FUT9: variants seen among roughly 807,000 people sequenced by gnomAD.
FUT9 encodes the protein fucosyltransferase 9, also known as 4-galactosyl-N-acetylglucosaminide 3-alpha-L-fucosyltransferase 9.
A neutral mutation model predicts 29.7 loss-of-function variants in FUT9; 15 were observed. The observed-to-expected ratio is 0.51, with a 90% CI of 0.34 to 0.78. FUT9 has a LOEUF of 0.78. Among genes scored for constraint, FUT9 ranks in the 30% least tolerant of loss-of-function variants. The pLI, the probability that FUT9 is intolerant of heterozygous loss-of-function variation, is 0.01. For missense variants in FUT9, 319 were observed against 425.4 expected, an observed-to-expected ratio of 0.75 and a Z score of 2.20; for synonymous variants, 169 against 153.7, an observed-to-expected ratio of 1.10 and a Z score of -0.74.
At chr6:96,187,180 A>T (rs1299965353) in intron 2 of FUT9, among the ~76,000 whole-genome samples, 1 of 152,148 alleles carries the variant, frequency 6.6e-6, no homozygotes, top group East Asian at 1.9e-4. Context: ...CTGCCCTGTA[A>T]ACTGGACTAA....
chr6:96,057,408 T>C (rs2493354), intron 1 of FUT9, among the ~76,000 whole-genome samples: 109,761 of 152,068 alleles, frequency 0.72, 40,493 homozygotes, highest in African/African-American at 0.89. Context: ...GAGAGAAAGC[T>C]CCAGTAAGCT....
chr6:96,120,620 T>C (rs1582246294), intron 2 of FUT9, among the ~76,000 whole-genome samples: 1 of 95,190 alleles, frequency 1.1e-5, no homozygotes, highest in Admixed American at 1.3e-4. Flanking sequence ...TTTTTTTTTT[T>C]CTGTACTAAG....
At chr6:96,032,776 TCA>T (rs1379653240) in intron 1 of FUT9, among the ~76,000 whole-genome samples, 1 of 151,628 alleles carries the variant, frequency 6.6e-6, no homozygotes, top group Admixed American at 6.6e-5. Context: ...CCATGTGGTC[TCA>T]CAGTGTTTCA....
At chr6:96,053,059 AT>A (rs1347729790) in intron 1 of FUT9, among the ~76,000 whole-genome samples, 30 of 152,256 alleles carry the variant, frequency 2.0e-4, no homozygotes, top group African/African-American at 7.2e-4. Flanking sequence ...TTTTAAAATT[AT>A]TTTTAATGCA....
intron 2 of FUT9, among the ~76,000 whole-genome samples, chr6:96,129,264 C>CAAAAAA (rs869216525): frequency 7.5e-5 from 1 of 13,338 alleles, no homozygotes; most frequent in Non-Finnish European, 1.3e-4. Flanking sequence ...GACTCTGTCT[C>CAAAAAA]AAAAAAAAAA....
At chr6:96,087,660 C>T (rs1406393153) in intron 1 of FUT9, among the ~76,000 whole-genome samples, 2 of 151,994 alleles carry the variant, frequency 1.3e-5, no homozygotes, top group Admixed American at 6.6e-5. Context: ...CCACCACGTC[C>T]GGCCTTCCCC....
chr6:96,146,034 G>C (rs1241383238), intron 2 of FUT9, among the ~76,000 whole-genome samples: 1 of 152,028 alleles, frequency 6.6e-6, no homozygotes, highest in Admixed American at 6.6e-5. Flanking sequence ...TGTAGAGATA[G>C]TCTCATTATG....
At chr6:96,135,128 G>A (rs1158882701) in intron 2 of FUT9, among the ~76,000 whole-genome samples, 4 of 151,928 alleles carry the variant, frequency 2.6e-5, no homozygotes, top group Non-Finnish European at 5.9e-5. Flanking sequence ...AATATGAATG[G>A]GAGACAATGT....
Position 96,092,543 on chromosome 6 carries a change from A to G in FUT9, c.-97-21496A>G, listed in dbSNP as rs185025101. On this transcript the variant is annotated intron_variant, in intron 1 of 2. Transcript: ENST00000302103. ...GACATTTCTAGAATGGTCAAATATT[A>G]TACTTCTTCTAGCTGTCTGCTCCAG... Among the ~76,000 whole-genome samples the G allele has an allele frequency of 4.2e-3, 643 of 152,228 alleles. 4 individuals carry two copies. Among genetic ancestry groups the G allele is most frequent in the African/African-American group, 0.015 (621 of 41,558 alleles).
chr6:96,154,134 A>G (rs181549791), intron 2 of FUT9, among the ~76,000 whole-genome samples: 109 of 152,324 alleles, frequency 7.2e-4, no homozygotes, highest in Middle Eastern at 6.8e-3. Flanking sequence ...GATAGTTTAT[A>G]TTACTCTTTA....
At chr6:96,067,380 T>C (rs1319572045) in intron 1 of FUT9, among the ~76,000 whole-genome samples, 1 of 146,264 alleles carries the variant, frequency 6.8e-6, no homozygotes, top group Non-Finnish European at 1.5e-5. Context: ...GTCAAGAAGT[T>C]TGAATTTTAT....
chr6:96,118,829 A>G (rs1334864445), intron 2 of FUT9, among the ~76,000 whole-genome samples: 1 of 151,806 alleles, frequency 6.6e-6, no homozygotes, highest in African/African-American at 2.4e-5. Context: ...GTGTAGACCT[A>G]GGCTAAGGTG....
chr6:96,106,974 T>C (rs1010973992), intron 1 of FUT9, among the ~76,000 whole-genome samples: 1 of 152,232 alleles, frequency 6.6e-6, no homozygotes, highest in African/African-American at 2.4e-5. Context: ...TGCCTTCATA[T>C]TACAAAAGCA....
intron 1 of FUT9, among the ~76,000 whole-genome samples, chr6:96,110,901 G>A (rs1268008843): frequency 6.6e-6 from 1 of 151,754 alleles, no homozygotes; most frequent in Non-Finnish European, 1.5e-5. Context: ...GCCCTTAAGA[G>A]GTCCTCCTGC....
chr6:96,093,730 T>C (rs1771451344), intron 1 of FUT9, among the ~76,000 whole-genome samples: 3 of 152,094 alleles, frequency 2.0e-5, no homozygotes, highest in Admixed American at 6.6e-5. Flanking sequence ...TGGATCCACA[T>C]ACACACACAA....
intron 2 of FUT9, among the ~76,000 whole-genome samples, chr6:96,186,211 T>C (rs1371311842): frequency 1.3e-5 from 2 of 152,162 alleles, no homozygotes; most frequent in African/African-American, 2.4e-5. Context: ...GTGGCTTATT[T>C]TTTCTATTTC....
At chr6:96,140,330 G>A (rs2127972881) in intron 2 of FUT9, among the ~76,000 whole-genome samples, 1 of 152,266 alleles carries the variant, frequency 6.6e-6, no homozygotes, top group African/African-American at 2.4e-5. Context: ...TGTCTTCTGA[G>A]CCTTCCAAGT....
At chr6:96,161,061 A>G (rs377292491) in intron 2 of FUT9, among the ~76,000 whole-genome samples, 1 of 152,326 alleles carries the variant, frequency 6.6e-6, no homozygotes, top group Admixed American at 6.5e-5. Context: ...TCATTTTGTA[A>G]CACAAGAGTA....
chr6:96,049,335 A>G (rs558814198), intron 1 of FUT9, among the ~76,000 whole-genome samples: 5 of 152,336 alleles, frequency 3.3e-5, no homozygotes, highest in African/African-American at 1.2e-4. Context: ...CATGTCAATC[A>G]TCAAAATGCC....
Sources: gnomAD v4.1 joint callset for allele counts (sites outside exome capture counted in the v4.1 genomes callset) on GRCh38, gnomAD v4.1.1 for gene constraint, MANE v1.5 for transcripts, NCBI Gene and HGNC (gene_info 2026-07-23, HGNC 2026-07-21) for gene names.